XNDC1N: variants seen among roughly 807,000 people sequenced by gnomAD.
XNDC1N encodes protein XNDC1N.
chr11:71,927,504 C>T, the XNDC1N span: 3 of 150,890 alleles, frequency 2.0e-5, no homozygotes, highest in Non-Finnish European at 2.9e-5. Flanking sequence ...CTTGGTAACA[C>T]AGCGAGACAC....
At chr11:71,867,339 G>A in the XNDC1N span, among the ~76,000 whole-genome samples, 2 of 152,186 alleles carry the variant, frequency 1.3e-5, no homozygotes, top group Non-Finnish European at 2.9e-5. Flanking sequence ...ATGTCTTTGT[G>A]GGAACATCAG....
chr11:71,866,147 T>G, the XNDC1N span, among the ~76,000 whole-genome samples: 4 of 164 alleles, frequency 0.024, no homozygotes, highest in Non-Finnish European at 0.08. Flanking sequence ...AGATAACCCC[T>G]TTTTTTTTTT....
chr11:71,910,342 C>T, the XNDC1N span, among the ~76,000 whole-genome samples: 2 of 152,152 alleles, frequency 1.3e-5, no homozygotes, highest in Non-Finnish European at 2.9e-5. Context: ...GTTTTCTTTC[C>T]TATCAGATTA....
chr11:71,884,433 T>C, the XNDC1N span: 17 of 1,600,874 alleles, frequency 1.1e-5, no homozygotes, highest in East Asian at 6.7e-5. Flanking sequence ...TAATGATGAA[T>C]GTCCTTCAGA....
At chr11:71,924,480 C>T in the XNDC1N span, among the ~76,000 whole-genome samples, 4 of 152,154 alleles carry the variant, frequency 2.6e-5, no homozygotes, top group Middle Eastern at 3.4e-3. Flanking sequence ...AGATTGAGAC[C>T]ATCCTGGCTA....
the XNDC1N span, chr11:71,917,277 G>C: frequency 1.5e-6 from 1 of 677,128 alleles, no homozygotes; most frequent in African/African-American, 1.8e-5. Flanking sequence ...GTCTCCCAAA[G>C]TGCTGGGATT....
the XNDC1N span, among the ~76,000 whole-genome samples, chr11:71,891,441 C>T: frequency 6.6e-6 from 1 of 151,910 alleles, no homozygotes; most frequent in South Asian, 2.1e-4. Flanking sequence ...GTGTACTCCG[C>T]CTGCGATTTT....
At chr11:71,904,114 G>A in the XNDC1N span, 961 of 500,578 alleles carry the variant, frequency 1.9e-3, 5 homozygotes, top group Middle Eastern at 3.9e-3. Context: ...GCACAGCAGC[G>A]CAGTCTAATC....
chr11:71,907,464 C>A, the XNDC1N span, among the ~76,000 whole-genome samples: 1 of 47,784 alleles, frequency 2.1e-5, no homozygotes, highest in Non-Finnish European at 1.2e-4. Flanking sequence ...AGAGCCAGCC[C>A]CTCTTGCCCC....
At chr11:71,867,177 T>C in the XNDC1N span, among the ~76,000 whole-genome samples, 1 of 145,226 alleles carries the variant, frequency 6.9e-6, no homozygotes, top group Admixed American at 6.8e-5. Context: ...ACAAAAAAAA[T>C]TGAATAATCA....
At chr11:71,917,323 T>C in the XNDC1N span, 2 of 640,706 alleles carry the variant, frequency 3.1e-6, no homozygotes, top group Non-Finnish European at 5.6e-6. Flanking sequence ...CACAAAAATA[T>C]ATTAATCAAT....
At chr11:71,877,195 T>C in the XNDC1N span, among the ~76,000 whole-genome samples, 1 of 152,272 alleles carries the variant, frequency 6.6e-6, no homozygotes, top group Non-Finnish European at 1.5e-5. Flanking sequence ...CTCTGAAGTA[T>C]TATAGAAGTA....
chr11:71,920,751 T>C, the XNDC1N span, among the ~76,000 whole-genome samples: 1 of 152,206 alleles, frequency 6.6e-6, no homozygotes, highest in African/African-American at 2.4e-5. Flanking sequence ...TGAATATAAA[T>C]TCTGAGTTCT....
the XNDC1N span, among the ~76,000 whole-genome samples, chr11:71,899,559 T>A: frequency 6.6e-6 from 1 of 152,168 alleles, no homozygotes; most frequent in South Asian, 2.1e-4. Flanking sequence ...GAAATCAAGG[T>A]TTAAGGGATC....
the XNDC1N span, among the ~76,000 whole-genome samples, chr11:71,912,457 G>A: frequency 3.9e-5 from 6 of 152,120 alleles, no homozygotes; most frequent in Admixed American, 3.9e-4. Flanking sequence ...GCGGGTATAC[G>A]TTTCCTACGT....
the XNDC1N span, among the ~76,000 whole-genome samples, chr11:71,899,236 T>A: frequency 0.028 from 4,266 of 152,196 alleles, 71 homozygotes; most frequent in East Asian, 0.08. Flanking sequence ...TCCACTCCCG[T>A]CACCTGTATC....
the XNDC1N span, among the ~76,000 whole-genome samples, chr11:71,926,911 A>ATAAAC: frequency 7.8e-6 from 1 of 128,906 alleles, no homozygotes; most frequent in East Asian, 2.0e-4. Flanking sequence ...AAAAAATGAA[A>ATAAAC]TAAAATAAAA....
At chr11:71,871,713 A>G in the XNDC1N span, among the ~76,000 whole-genome samples, 25 of 152,202 alleles carry the variant, frequency 1.6e-4, no homozygotes, top group Non-Finnish European at 3.2e-4. Flanking sequence ...ATTTGAGTAC[A>G]CATTTCACCA....
chr11:71,870,550 CA>C, the XNDC1N span, among the ~76,000 whole-genome samples: 1 of 152,006 alleles, frequency 6.6e-6, no homozygotes, highest in Non-Finnish European at 1.5e-5. Flanking sequence ...TCATTATAAT[CA>C]AAATAAAAAG....
Sources: gnomAD v4.1 joint callset for allele counts (sites outside exome capture counted in the v4.1 genomes callset) on GRCh38, gnomAD v4.1.1 for gene constraint, MANE v1.5 for transcripts, NCBI Gene and HGNC (gene_info 2026-07-23, HGNC 2026-07-21) for gene names.